PPP1R14C: variants seen among roughly 807,000 people sequenced by gnomAD.
PPP1R14C encodes the protein protein phosphatase 1 regulatory subunit 14C.
A neutral mutation model predicts 20.4 loss-of-function variants in PPP1R14C; 16 were observed. The ratio of observed to expected loss-of-function variants is 0.78; its 90% CI spans 0.53 to 1.19. The LOEUF (loss-of-function observed/expected upper bound fraction) is 1.19. PPP1R14C is among the 50% of genes most tolerant of loss of function. PPP1R14C has a pLI of 0.00. For synonymous variants in PPP1R14C, 91 were observed against 91.0 expected (o/e 1.00, Z 0.00); for missense variants, 211 against 220.1 (o/e 0.96, Z 0.26).
At chr6:150,217,195 A>T (rs4870379) in intron 3 of PPP1R14C, among the ~76,000 whole-genome samples, 8,973 of 135,586 alleles carry the variant, frequency 0.066, 389 homozygotes, top group East Asian at 0.17. Flanking sequence ...ATTGGTATGT[A>T]TTTTTTTTTT....
intron 3 of PPP1R14C, among the ~76,000 whole-genome samples, chr6:150,223,598 G>A (rs1054775054): frequency 7.9e-5 from 12 of 152,132 alleles, no homozygotes; most frequent in African/African-American, 2.9e-4. Context: ...GGTGACGTAT[G>A]ATTTGGAGAA....
At chr6:150,217,281 C>T (rs529290219) in intron 3 of PPP1R14C, among the ~76,000 whole-genome samples, 109 of 149,648 alleles carry the variant, frequency 7.3e-4, no homozygotes, top group African/African-American at 2.4e-3. Context: ...CTGCAACCTC[C>T]GCCTCCTGAG....
At chr6:150,190,269 TAAG>T (rs1777726039) in intron 1 of PPP1R14C, among the ~76,000 whole-genome samples, 1 of 152,032 alleles carries the variant, frequency 6.6e-6, no homozygotes, top group African/African-American at 2.4e-5. Flanking sequence ...GAACACTTAG[TAAG>T]AAGCTCAGCC....
chr6:150,193,579 T>A (rs966136936), intron 1 of PPP1R14C, among the ~76,000 whole-genome samples: 1 of 141,978 alleles, frequency 7.0e-6, no homozygotes, highest in East Asian at 2.1e-4. Flanking sequence ...AATGAGTAAA[T>A]GCTGAAGTCC....
At chr6:150,168,367 T>A (rs1015276953) in intron 1 of PPP1R14C, among the ~76,000 whole-genome samples, 3 of 151,842 alleles carry the variant, frequency 2.0e-5, no homozygotes, top group Non-Finnish European at 4.4e-5. Flanking sequence ...AAACCCCGTC[T>A]CTACTAAAAA....
chr6:150,217,004 G>A, intron 3 of PPP1R14C, 148 bp downstream of exon 3: 1 of 583,108 alleles, frequency 1.7e-6, no homozygotes, highest in Non-Finnish European at 3.0e-6. Context: ...TGTTTGAATA[G>A]CTCTAACTTC....
rs1582900261 is a variant in PPP1R14C at position 150,167,528 on chromosome 6, T to C, written c.306+24030T>C. On this transcript the variant is annotated intron_variant, in intron 1 of 3. Transcript: ENST00000361131. ...ACTTTAGCCACATTTCTAACAAGTT[T>C]GGTTTTCTGCTTTTTTAGTTCACTA... is the stretch of plus-strand genomic sequence containing the variant. Among the ~76,000 whole-genome samples the C allele has an allele frequency of 2.0e-5, 3 of 152,206 alleles. No homozygotes were observed. In the South Asian group the frequency reaches 6.2e-4, roughly 31 times the overall value.
chr6:150,211,112 C>A (rs900886179), intron 1 of PPP1R14C, among the ~76,000 whole-genome samples: 1 of 152,208 alleles, frequency 6.6e-6, no homozygotes, highest in East Asian at 1.9e-4. Context: ...CTGCCCCTGG[C>A]GGAGTTTTCT....
intron 1 of PPP1R14C, among the ~76,000 whole-genome samples, chr6:150,213,346 AACAC>A (rs3049230): frequency 0.24 from 36,465 of 149,274 alleles, 5,529 homozygotes; most frequent in East Asian, 0.34. Flanking sequence ...TTTGTGTTGT[AACAC>A]ACACACACAC....
At chr6:150,158,061 T>A (rs761911229) in intron 1 of PPP1R14C, among the ~76,000 whole-genome samples, 7 of 152,178 alleles carry the variant, frequency 4.6e-5, no homozygotes, top group Non-Finnish European at 1.0e-4. Context: ...CTACCTTTAT[T>A]AAGAGTGATT....
chr6:150,248,927 G>T lies in PPP1R14C; in HGVS notation c.*107G>T, dbSNP rs13216807. The T allele has an allele frequency of 0.038, 16,909 of 444,202 alleles. 231 individuals are homozygous for T. The highest frequency in any genetic ancestry group is 0.064 in the Middle Eastern group (157 of 2,466). 27.5% of individuals were successfully genotyped at this position (444,202 alleles called of 1,614,324 possible). On this transcript the variant is annotated 3_prime_UTR_variant, in exon 4 of 4. Coordinates refer to ENST00000361131, the MANE Select transcript of PPP1R14C (RefSeq NM_030949.3). ...AGGTGTCCTTATGAACAACGTTTTT[G>T]TTTTTTTTTTTTTCTTTTTTGGTGT... is the stretch of plus-strand genomic sequence containing the variant.
At chr6:150,208,376 C>G (rs1484885264) in intron 1 of PPP1R14C, among the ~76,000 whole-genome samples, 1 of 152,158 alleles carries the variant, frequency 6.6e-6, no homozygotes, top group East Asian at 1.9e-4. Context: ...CAGGATCCTC[C>G]CTTTATCCCC....
chr6:150,177,956 A>T (rs1777581310), intron 1 of PPP1R14C, among the ~76,000 whole-genome samples: 1 of 152,130 alleles, frequency 6.6e-6, no homozygotes, highest in Admixed American at 6.5e-5. Context: ...CCCAGCGGGG[A>T]TATAAATATT....
intron 1 of PPP1R14C, among the ~76,000 whole-genome samples, chr6:150,147,958 C>T (rs762348451): frequency 1.3e-5 from 2 of 152,164 alleles, no homozygotes; most frequent in Non-Finnish European, 2.9e-5. Context: ...TACAGAGAAA[C>T]AGAGAGTCAT....
At chr6:150,219,221 TTTA>T (rs71898538) in intron 3 of PPP1R14C, among the ~76,000 whole-genome samples, 2 of 151,174 alleles carry the variant, frequency 1.3e-5, no homozygotes, top group Admixed American at 6.6e-5. Context: ...AATCCTTGCC[TTTA>T]TTATTATTAT....
At chr6:150,149,465 T>C (rs1202220506) in intron 1 of PPP1R14C, among the ~76,000 whole-genome samples, 1 of 127,396 alleles carries the variant, frequency 7.8e-6, no homozygotes, top group Non-Finnish European at 1.6e-5. Context: ...CTTTTTTTTT[T>C]TTTTTTTTTT....
At chr6:150,245,574 CT>C (rs1778481821) in intron 3 of PPP1R14C, among the ~76,000 whole-genome samples, 1 of 152,226 alleles carries the variant, frequency 6.6e-6, no homozygotes, top group Admixed American at 6.5e-5. Context: ...AAGATGGCCC[CT>C]CTCTGTTAAT....
chr6:150,159,415 C>T (rs2114857783), intron 1 of PPP1R14C, among the ~76,000 whole-genome samples: 1 of 152,258 alleles, frequency 6.6e-6, no homozygotes, highest in African/African-American at 2.4e-5. Context: ...CCAGAAGGCT[C>T]ATGACCTCCA....
intron 2 of PPP1R14C, among the ~76,000 whole-genome samples, chr6:150,216,488 C>T (rs1012649310): frequency 6.6e-6 from 1 of 151,792 alleles, no homozygotes; most frequent in Non-Finnish European, 1.5e-5. Flanking sequence ...GAGCGAGATT[C>T]TGTCTCAAAA....
Sources: gnomAD v4.1 joint callset for allele counts (sites outside exome capture counted in the v4.1 genomes callset) on GRCh38, gnomAD v4.1.1 for gene constraint, MANE v1.5 for transcripts, NCBI Gene and HGNC (gene_info 2026-07-23, HGNC 2026-07-21) for gene names.